The following GINS1 variants were observed in gnomAD, a reference collection of about 807,000 sequenced individuals.
GINS1 encodes DNA replication complex GINS protein PSF1.
Under a neutral mutation model 34.9 loss-of-function variants are expected in GINS1, and 26 were observed. The observed-to-expected ratio is 0.74, with a 90% CI of 0.55 to 1.03. GINS1 has a LOEUF of 1.03. Ranked by LOEUF, GINS1 falls within the 50% of genes least tolerant of loss-of-function variation. GINS1 has a pLI of 0.00. For synonymous variants in GINS1, 97 were observed against 84.4 expected, an observed-to-expected ratio of 1.15 and a Z score of -0.82; for missense variants, 235 against 237.9, an observed-to-expected ratio of 0.99 and a Z score of 0.08.
chr20:25,412,448 G>A (rs928925937), intron 1 of GINS1, among the ~76,000 whole-genome samples: 4 of 151,966 alleles, frequency 2.6e-5, no homozygotes, highest in East Asian at 1.9e-4. Flanking sequence ...CCAGCTACTC[G>A]GGAGGCTGAG....
intron 5 of GINS1, among the ~76,000 whole-genome samples, chr20:25,435,810 C>CTT (rs199615377): frequency 2.4e-4 from 26 of 108,544 alleles, no homozygotes; most frequent in Non-Finnish European, 3.5e-4. Flanking sequence ...TAGAGTTACA[C>CTT]TTTTTTTTTT....
At chr20:25,423,612 CTTTTTTT>C (rs35923439) in intron 4 of GINS1, among the ~76,000 whole-genome samples, 2 of 85,524 alleles carry the variant, frequency 2.3e-5, no homozygotes, top group Non-Finnish European at 2.3e-5. Context: ...TTTCTTCTCT[CTTTTTTT>C]TTTTTTTTTT....
chr20:25,435,549 G>C (rs1344121575), intron 5 of GINS1, among the ~76,000 whole-genome samples: 1 of 151,812 alleles, frequency 6.6e-6, no homozygotes, highest in Non-Finnish European at 1.5e-5. Context: ...CACAAGGTCA[G>C]GAGTTTGAGA....
chr20:25,424,921 C>A (rs544860783), intron 4 of GINS1, among the ~76,000 whole-genome samples: 1 of 152,228 alleles, frequency 6.6e-6, no homozygotes, highest in East Asian at 1.9e-4. Context: ...TCTGAAATGG[C>A]GTCTTTTTCA....
At chr20:25,439,345 C>A (rs1409222361) in intron 5 of GINS1, among the ~76,000 whole-genome samples, 9 of 152,094 alleles carry the variant, frequency 5.9e-5, no homozygotes, top group Admixed American at 4.6e-4. Flanking sequence ...TGTTAAATGA[C>A]CCCAAAGAAA....
chr20:25,437,964 C>G (rs1306449791), intron 5 of GINS1, among the ~76,000 whole-genome samples: 1 of 151,826 alleles, frequency 6.6e-6, no homozygotes, highest in Non-Finnish European at 1.5e-5. Context: ...ACTAAAAATA[C>G]AAAATTTAGC....
At chr20:25,430,337 A>G (rs1042827803) in intron 5 of GINS1, among the ~76,000 whole-genome samples, 1 of 152,116 alleles carries the variant, frequency 6.6e-6, no homozygotes, top group African/African-American at 2.4e-5. Context: ...AGGAAGTTGA[A>G]TTTTGTCAAA....
At chr20:25,433,827 A>G (rs920418525) in intron 5 of GINS1, among the ~76,000 whole-genome samples, 1 of 152,194 alleles carries the variant, frequency 6.6e-6, no homozygotes, top group Non-Finnish European at 1.5e-5. Flanking sequence ...ACATCTTTAT[A>G]TGTTGTGAGC....
intron 1 of GINS1, among the ~76,000 whole-genome samples, chr20:25,409,309 G>C (rs895560160): frequency 6.6e-6 from 1 of 152,222 alleles, no homozygotes; most frequent in Admixed American, 6.5e-5. Context: ...GGATTGAAGA[G>C]AGGAAAGAAT....
intron 1 of GINS1, among the ~76,000 whole-genome samples, chr20:25,409,596 A>G (rs1372678611): frequency 2.6e-5 from 4 of 152,208 alleles, no homozygotes; most frequent in African/African-American, 9.7e-5. Context: ...TTTGAACACT[A>G]AAGAGCACCT....
At position 25,419,958 on chromosome 20, in the gene GINS1, C is replaced by T. The variant is rs143228416; in HGVS notation, c.330+1763C>T. Among the ~76,000 whole-genome samples, 7 of 151,976 alleles carry T rather than the reference C, an allele frequency of 4.6e-5. No individual in the cohort carries two copies. In the East Asian group the frequency reaches 5.8e-4, roughly 13 times the overall value. ...TCCAGGTGTGAGCCACAGCGCCTGG[C>T]GATTAATATGTTTCTTACAATTTAG... On this transcript the variant is annotated intron_variant, in intron 4 of 6. Coordinates refer to ENST00000262460, the MANE Select transcript of GINS1 (RefSeq NM_021067.5).
chr20:25,419,477 G>C (rs575082819), intron 4 of GINS1, among the ~76,000 whole-genome samples: 2 of 152,188 alleles, frequency 1.3e-5, no homozygotes, highest in South Asian at 4.1e-4. Context: ...CTCTACCTCA[G>C]ATTTACCAGT....
chr20:25,431,854 G>A (rs983287317), intron 5 of GINS1, among the ~76,000 whole-genome samples: 6 of 151,792 alleles, frequency 4.0e-5, no homozygotes, highest in Non-Finnish European at 8.8e-5. Context: ...TTACAGGTGT[G>A]AGCCACCATG....
At chr20:25,443,066 C>CA (rs1280780279) in intron 6 of GINS1, 1 of 152,142 alleles carries the variant, frequency 6.6e-6, no homozygotes, top group African/African-American at 2.4e-5. Flanking sequence ...TGCCAGGGAG[C>CA]AAAAGAATGT....
In GINS1 at chr20:25,407,866, G is replaced by C; in HGVS notation, c.46G>C (p.Ala16Pro). The part of the protein sequence containing the change: ...AMELIRELHR[A>P]PEGQLPAFNE... Reference sequence around the variant, plus strand: ...GGAACTGATCCGCGAGCTGCATCGCGCGCCCGAAGGGCAACTGCCTGCCTT... The same window carrying C: ...GGAACTGATCCGCGAGCTGCATCGCCCGCCCGAAGGGCAACTGCCTGCCTT... The change falls in exon 1 of 7, where the codon GCG becomes CCG. Residue 16 changes from alanine (A) to proline (P), a missense_variant. By Grantham distance (27) the Ala-to-Pro change is conservative. Coordinates refer to ENST00000262460, the MANE Select transcript of GINS1 (RefSeq NM_021067.5). 6.2e-7 allele frequency: 1 copy of C among 1,613,906 alleles called. No homozygotes were observed. The highest frequency in any genetic ancestry group is 8.5e-7 in the Non-Finnish European group (1 of 1,179,868).
chr20:25,416,917 GT>G (rs1449195703), intron 2 of GINS1, among the ~76,000 whole-genome samples, 186 bp from the exon 3 acceptor site: 5 of 152,174 alleles, frequency 3.3e-5, no homozygotes, highest in African/African-American at 1.2e-4. Flanking sequence ...TAGGCAAGTT[GT>G]TTAGGTTTTG....
chr20:25,418,849 C>G (rs976044204), intron 4 of GINS1, among the ~76,000 whole-genome samples: 1 of 152,202 alleles, frequency 6.6e-6, no homozygotes, highest in African/African-American at 2.4e-5. Context: ...GTTCAATCTT[C>G]ATCCCTCTTC....
At chr20:25,407,964 C>G (rs373899831) in intron 1 of GINS1, 69 bp downstream of exon 1, 18 of 1,175,366 alleles carry the variant, frequency 1.5e-5, no homozygotes, top group Non-Finnish European at 2.2e-5. Context: ...GGGGCGGCTC[C>G]CCGTCAGGGT....
intron 4 of GINS1, among the ~76,000 whole-genome samples, chr20:25,422,606 A>T (rs2146202413): frequency 6.6e-6 from 1 of 152,198 alleles, no homozygotes; most frequent in East Asian, 1.9e-4. Context: ...CAACAAAAAA[A>T]CTTGCCATTT....
Sources: allele counts gnomAD v4.1 joint callset (sites outside exome capture counted in the v4.1 genomes callset), GRCh38; gene constraint gnomAD v4.1.1; transcripts MANE v1.5; gene names NCBI Gene and HGNC (gene_info 2026-07-23, HGNC 2026-07-21).